S100A8: variants seen among roughly 807,000 people sequenced by gnomAD.
S100A8 encodes the protein S100 calcium binding protein A8, also known as protein S100-A8.
Under a neutral mutation model 4.2 loss-of-function variants are expected in S100A8, and 1 was observed. The ratio of observed to expected loss-of-function variants is 0.24; its 90% CI spans 0.08 to 1.12. S100A8 has a LOEUF of 1.12. Ranked by LOEUF, S100A8 falls within the 50% of genes most tolerant of loss-of-function variation. The pLI is 0.53. For missense variants in S100A8, 96 were observed against 111.8 expected (o/e 0.86, Z 0.64); for synonymous variants, 41 against 44.7 (o/e 0.92, Z 0.33).
At chr1:153,408,970 G>A in the S100A8 span, among the ~76,000 whole-genome samples, 1 of 152,156 alleles carries the variant, frequency 6.6e-6, no homozygotes, top group Non-Finnish European at 1.5e-5. Context: ...AAGAGCTCCT[G>A]AAGGAAGCAC....
At chr1:153,404,997 T>A in the S100A8 span, among the ~76,000 whole-genome samples, 1 of 152,026 alleles carries the variant, frequency 6.6e-6, no homozygotes, top group African/African-American at 2.4e-5. Flanking sequence ...CCTGGGCCTC[T>A]GACTGGGGCC....
the S100A8 span, among the ~76,000 whole-genome samples, chr1:153,401,044 A>T: frequency 6.6e-6 from 1 of 152,210 alleles, no homozygotes; most frequent in Non-Finnish European, 1.5e-5. Context: ...GGGACAAAAC[A>T]GCCCCCTACG....
chr1:153,398,483 G>A, the S100A8 span, among the ~76,000 whole-genome samples: 1 of 152,080 alleles, frequency 6.6e-6, no homozygotes, highest in Non-Finnish European at 1.5e-5. Flanking sequence ...ACCCTCTCCA[G>A]AGGGAGTCCC....
At chr1:153,401,921 C>T in the S100A8 span, among the ~76,000 whole-genome samples, 1 of 147,876 alleles carries the variant, frequency 6.8e-6, no homozygotes, top group Admixed American at 6.7e-5. Context: ...TTTTTCCAGA[C>T]CTTTTTTATC....
the S100A8 span, among the ~76,000 whole-genome samples, chr1:153,409,394 G>C: frequency 6.6e-6 from 1 of 152,102 alleles, no homozygotes; most frequent in Non-Finnish European, 1.5e-5. Context: ...CCATTACATA[G>C]TGGTAAAGGG....
chr1:153,393,902 C>T (rs1054652562), upstream of S100A8, among the ~76,000 whole-genome samples: 9 of 152,170 alleles, frequency 5.9e-5, no homozygotes, highest in Admixed American at 3.3e-4. Flanking sequence ...GTGAGGGAGT[C>T]CTGAGTGGTG....
chr1:153,390,382 A>G lies in S100A8; in HGVS notation c.141+13T>C, dbSNP rs1446039741. 5 of 1,613,478 alleles carry G rather than the reference A, an allele frequency of 3.1e-6. No homozygotes were observed. In the Admixed American group the frequency reaches 8.3e-5, roughly 27 times the overall value. On this transcript the variant is annotated intron_variant, in intron 2 of 2. Transcript: ENST00000368733. ...CAGGCAGAGAGCCCCCGCCACACCC[A>G]GCCCCTCCTCACCCTGATATACTGA...
At chr1:153,412,096 C>G in the S100A8 span, among the ~76,000 whole-genome samples, 13 of 152,244 alleles carry the variant, frequency 8.5e-5, no homozygotes, top group East Asian at 2.5e-3. Flanking sequence ...GTCTAAAACA[C>G]CAAAAGCAAT....
At chr1:153,395,925 G>A (rs7524999), upstream of S100A8, among the ~76,000 whole-genome samples, 2,615 of 152,284 alleles carry the variant, frequency 0.017, 79 homozygotes, top group African/African-American at 0.06. Context: ...ACTGATTCTT[G>A]GGGCTCTCTT....
At chr1:153,403,428 T>C in the S100A8 span, among the ~76,000 whole-genome samples, 20 of 152,346 alleles carry the variant, frequency 1.3e-4, 1 homozygote, top group East Asian at 3.7e-3. Context: ...TATCATGAAC[T>C]GTTAGCTTCA....
At chr1:153,392,053 G>A (rs1662111705), upstream of S100A8, among the ~76,000 whole-genome samples, 1 of 152,128 alleles carries the variant, frequency 6.6e-6, no homozygotes, top group Non-Finnish European at 1.5e-5. Flanking sequence ...GAAGACTGTG[G>A]TGTGTTTCTG....
the S100A8 span, among the ~76,000 whole-genome samples, chr1:153,410,449 A>G: frequency 6.0e-4 from 91 of 152,350 alleles, no homozygotes; most frequent in Admixed American, 1.4e-3. Context: ...GAATTCCTGA[A>G]TAGACCAATA....
chr1:153,406,728 G>T, the S100A8 span, among the ~76,000 whole-genome samples: 3 of 152,172 alleles, frequency 2.0e-5, no homozygotes, highest in Admixed American at 6.5e-5. Flanking sequence ...ATATCAACCA[G>T]CCAAATTCCT....
upstream of S100A8, chr1:153,391,283 G>C (rs1474440829): frequency 1.2e-6 from 1 of 836,910 alleles, no homozygotes; most frequent in African/African-American, 1.8e-5. Context: ...GGGCAATAGT[G>C]CCCAGAAGGA....
chr1:153,401,930 TC>T, the S100A8 span, among the ~76,000 whole-genome samples: 21,739 of 152,124 alleles, frequency 0.14, 1,754 homozygotes, highest in African/African-American at 0.23. Flanking sequence ...ACCTTTTTTA[TC>T]TTTAGGATTA....
chr1:153,390,553 C>T lies in S100A8; in HGVS notation c.-18G>A. ...GTCAACATGATGCCCACGGACTTGCCCCACCTGAAAAACAGAACCTTCTGG... is the reference window on the plus strand; with the variant it reads ...GTCAACATGATGCCCACGGACTTGCTCCACCTGAAAAACAGAACCTTCTGG... On this transcript the variant is annotated 5_prime_UTR_variant, in exon 2 of 3. Coordinates refer to ENST00000368733, the MANE Select transcript of S100A8 (RefSeq NM_002964.5). 2 of 1,613,898 alleles carry T rather than the reference C, an allele frequency of 1.2e-6. No individual in the cohort carries two copies. The highest frequency in any genetic ancestry group is 1.7e-6 in the Non-Finnish European group (2 of 1,179,862).
At chr1:153,408,328 A>T in the S100A8 span, among the ~76,000 whole-genome samples, 2 of 152,246 alleles carry the variant, frequency 1.3e-5, no homozygotes, top group African/African-American at 4.8e-5. Flanking sequence ...TACATGACTC[A>T]TGCACAAGCT....
the S100A8 span, among the ~76,000 whole-genome samples, chr1:153,409,485 A>G: frequency 2.0e-5 from 3 of 152,164 alleles, no homozygotes; most frequent in Admixed American, 6.5e-5. Flanking sequence ...AAGCAAGTCC[A>G]TAGAGACCTA....
upstream of S100A8, among the ~76,000 whole-genome samples, chr1:153,393,742 A>G (rs758428197): frequency 4.1e-4 from 63 of 152,344 alleles, no homozygotes; most frequent in Non-Finnish European, 7.9e-4. Flanking sequence ...TCAAAGCACC[A>G]TATCATATTT....
Sources: gnomAD v4.1 joint callset for allele counts (sites outside exome capture counted in the v4.1 genomes callset) on GRCh38, gnomAD v4.1.1 for gene constraint, MANE v1.5 for transcripts, NCBI Gene and HGNC (gene_info 2026-07-23, HGNC 2026-07-21) for gene names.